Variants in CPVL observed in about 807,000 individuals in gnomAD.
The protein encoded by CPVL is carboxypeptidase vitellogenic like.
In CPVL, 51 loss-of-function variants were observed where a neutral mutation model predicts 63.7. The ratio of observed to expected loss-of-function variants is 0.80; its 90% CI spans 0.64 to 1.01. The LOEUF is 1.01. Among genes scored for constraint, CPVL ranks in the 50% least tolerant of loss-of-function variants. The probability of loss-of-function intolerance (pLI) is 0.00; values close to 1 mark genes in which losing one functional copy is unlikely to be tolerated. For synonymous variants in CPVL, 195 were observed against 206.0 expected (o/e 0.95, Z 0.46); for missense variants, 530 against 573.1 (o/e 0.92, Z 0.77).
chr7:29,060,843 G>A (rs570865725), intron 11 of CPVL, among the ~76,000 whole-genome samples: 5 of 152,242 alleles, frequency 3.3e-5, no homozygotes, highest in East Asian at 1.9e-4. Context: ...AATTAGTACC[G>A]AGTCTTACAT....
chr7:29,128,363 A>AT (rs1790294764), intron 1 of CPVL, among the ~76,000 whole-genome samples: 1 of 152,114 alleles, frequency 6.6e-6, no homozygotes, highest in African/African-American at 2.4e-5. Context: ...AGGGACAGCT[A>AT]TCTCATTCCT....
rs142100267 is a variant in CPVL, at chr7:29,044,647, C to T, written c.1138-13888G>A. 2.0e-4 allele frequency among the ~76,000 whole-genome samples: 30 copies of T among 152,256 alleles called. 1 individual carries two copies. The highest frequency in any genetic ancestry group is 4.8e-4 in the African/African-American group (20 of 41,534). On this transcript the variant is annotated intron_variant, in intron 11 of 12. Transcript: ENST00000265394. ...AGGAATAAAGATGGAGTAGCCACTA[C>T]AGCATGTGACATTTATTGCACAACA...
At chr7:29,161,664 C>T (rs978484410) in intron 5 of CPVL, among the ~76,000 whole-genome samples, 2 of 152,078 alleles carry the variant, frequency 1.3e-5, no homozygotes, top group South Asian at 4.2e-4. Flanking sequence ...TAATTTAAAT[C>T]CATTTGAATT....
intron 5 of CPVL, among the ~76,000 whole-genome samples, chr7:29,154,471 A>G (rs182594050): frequency 6.6e-6 from 1 of 152,302 alleles, no homozygotes; most frequent in Admixed American, 6.5e-5. Flanking sequence ...TCAAAAACAT[A>G]AAAAGAGATG....
At chr7:29,064,472 T>G (rs113574915) in intron 10 of CPVL, among the ~76,000 whole-genome samples, 3 of 152,210 alleles carry the variant, frequency 2.0e-5, no homozygotes, top group African/African-American at 7.2e-5. Flanking sequence ...AATTTGCAAA[T>G]ACAGGATTTT....
intron 12 of CPVL, among the ~76,000 whole-genome samples, chr7:29,014,371 C>T (rs887500984): frequency 2.6e-5 from 4 of 152,192 alleles, no homozygotes. Context: ...CTTACTCTGA[C>T]GCCCAGGCTG....
intron 1 of CPVL, among the ~76,000 whole-genome samples, chr7:29,133,003 C>A (rs1790846856): frequency 6.6e-6 from 1 of 152,110 alleles, no homozygotes; most frequent in Non-Finnish European, 1.5e-5. Flanking sequence ...ATCAAACCAG[C>A]CAAAATGTCT....
chr7:29,093,437 C>T (rs967029167), intron 5 of CPVL, among the ~76,000 whole-genome samples: 54 of 149,048 alleles, frequency 3.6e-4, no homozygotes, highest in African/African-American at 1.2e-3. Flanking sequence ...GGTAGTTGTA[C>T]ATTGTCTTCC....
intron 11 of CPVL, among the ~76,000 whole-genome samples, chr7:29,049,652 C>A (rs1789956812): frequency 6.6e-6 from 1 of 152,136 alleles, no homozygotes; most frequent in African/African-American, 2.4e-5. Context: ...GGAAACCTCC[C>A]TAATCCATTC....
At chr7:29,002,820 T>C (rs1784774530) in intron 12 of CPVL, among the ~76,000 whole-genome samples, 1 of 136,532 alleles carries the variant, frequency 7.3e-6, no homozygotes, top group South Asian at 2.2e-4. Context: ...GTTAGGTCAG[T>C]AGAGGATATC....
intron 1 of CPVL, among the ~76,000 whole-genome samples, chr7:29,137,236 G>C (rs941014335): frequency 1.4e-4 from 21 of 152,196 alleles, no homozygotes; most frequent in African/African-American, 4.6e-4. Flanking sequence ...AAAAGAAAGA[G>C]AAAGGAGAAC....
rs757457600 is a variant in CPVL at position 28,995,809 on chromosome 7, A to C, written c.1394T>G (p.Phe465Cys). The C allele has an allele frequency of 3.4e-5, 54 of 1,607,932 alleles. No homozygotes were observed. Among genetic ancestry groups the C allele is most frequent in the Non-Finnish European group, 4.4e-5 (52 of 1,178,066 alleles). The change falls in exon 13 of 13, where the codon TTC (phenylalanine) becomes TGC (cysteine). Residue 465 changes from phenylalanine to cysteine, a missense_variant. Physicochemically the swap from Phe to Cys is radical, Grantham distance 205. Coordinates refer to ENST00000265394, the MANE Select transcript of CPVL (RefSeq NM_031311.5). ...PLRAFDMINR[F>C]IYGKGWDPYV... Reference sequence around the variant, plus strand: ...AGGATCCCATCCTTTTCCATAAATGAATCGATTAATCATGTCAAAAGCTCT... The same window carrying C: ...AGGATCCCATCCTTTTCCATAAATGCATCGATTAATCATGTCAAAAGCTCT...
At chr7:29,090,491 A>T (rs1229994526) in intron 6 of CPVL, among the ~76,000 whole-genome samples, 1 of 152,236 alleles carries the variant, frequency 6.6e-6, no homozygotes, top group African/African-American at 2.4e-5. Flanking sequence ...AAACTATAGC[A>T]GCACTTCCAT....
At chr7:29,111,752 A>G (rs940323162) in intron 3 of CPVL, among the ~76,000 whole-genome samples, 3 of 152,228 alleles carry the variant, frequency 2.0e-5, no homozygotes, top group Non-Finnish European at 2.9e-5. Flanking sequence ...TACCAGGAGA[A>G]ACAACGTAAC....
At chr7:29,008,164 C>T (rs1345885580) in intron 12 of CPVL, among the ~76,000 whole-genome samples, 1 of 152,118 alleles carries the variant, frequency 6.6e-6, no homozygotes, top group Non-Finnish European at 1.5e-5. Flanking sequence ...ATGTGAATTT[C>T]TGGGTGCATG....
intron 12 of CPVL, among the ~76,000 whole-genome samples, chr7:29,024,995 G>GTCA (rs1329022078): frequency 1.3e-5 from 2 of 152,058 alleles, no homozygotes; most frequent in Non-Finnish European, 2.9e-5. Context: ...CAATAAAAGA[G>GTCA]GAAGAACGGA....
chr7:29,126,567 C>T (rs566683411), intron 1 of CPVL: 2 of 152,070 alleles, frequency 1.3e-5, no homozygotes, highest in South Asian at 2.1e-4. Context: ...GTGTGTTTTG[C>T]CAAAGAAAAA....
chr7:29,138,405 A>G (rs907913047), intron 1 of CPVL, among the ~76,000 whole-genome samples: 1 of 152,238 alleles, frequency 6.6e-6, no homozygotes, highest in African/African-American at 2.4e-5. Context: ...ACGCTGCTGC[A>G]CTCCAGCCTG....
intron 12 of CPVL, among the ~76,000 whole-genome samples, chr7:29,024,975 C>A (rs779003341): frequency 1.3e-5 from 2 of 152,086 alleles, no homozygotes; most frequent in Non-Finnish European, 2.9e-5. Context: ...CATCAAACCA[C>A]AATGATAAGC....
Sources: gnomAD v4.1 joint callset for allele counts (sites outside exome capture counted in the v4.1 genomes callset) on GRCh38, gnomAD v4.1.1 for gene constraint, MANE v1.5 for transcripts, NCBI Gene and HGNC (gene_info 2026-07-23, HGNC 2026-07-21) for gene names.